RELN: variants seen among roughly 807,000 people sequenced by gnomAD.
The protein encoded by RELN is reelin.
Under a neutral mutation model 427.6 loss-of-function variants are expected in RELN, and 108 were observed. That is an observed-to-expected ratio of 0.25 (90% CI 0.22 to 0.30). RELN has a LOEUF of 0.30. Ranked by LOEUF, RELN falls within the 10% of genes least tolerant of loss-of-function variation. The probability of loss-of-function intolerance (pLI) is 1.00; values close to 1 mark genes in which losing one functional copy is unlikely to be tolerated. For synonymous variants in RELN, 1,524 were observed against 1,513.4 expected (o/e 1.01, Z -0.16); for missense variants, 3,715 against 4,302.8 (o/e 0.86, Z 3.82).
intron 24 of RELN, among the ~76,000 whole-genome samples, chr7:103,601,720 A>C (rs1163250021): frequency 1.3e-5 from 2 of 152,162 alleles, no homozygotes; most frequent in African/African-American, 4.8e-5. Context: ...CAGATTGGAA[A>C]AGAGAAAAAG....
intron 3 of RELN, among the ~76,000 whole-genome samples, chr7:103,780,750 G>A (rs1277126488): frequency 6.6e-6 from 1 of 152,110 alleles, no homozygotes; most frequent in Non-Finnish European, 1.5e-5. Flanking sequence ...TTTTATGGCT[G>A]CGTAGTATTC....
chr7:103,759,024 G>T (rs1791230127), intron 4 of RELN, among the ~76,000 whole-genome samples: 1 of 151,982 alleles, frequency 6.6e-6, no homozygotes, highest in South Asian at 2.1e-4. Context: ...GACAGAAATA[G>T]ATTTCTAAAA....
intron 1 of RELN, among the ~76,000 whole-genome samples, chr7:103,944,189 T>A (rs1192242498): frequency 6.6e-6 from 1 of 152,082 alleles, no homozygotes; most frequent in East Asian, 1.9e-4. Flanking sequence ...TTCTTATTAA[T>A]AAAGAAATTA....
chr7:103,556,117 T>C (rs976469058), intron 38 of RELN, among the ~76,000 whole-genome samples: 1 of 152,204 alleles, frequency 6.6e-6, no homozygotes, highest in Non-Finnish European at 1.5e-5. Context: ...AAATTATACA[T>C]TCACTTTAAC....
chr7:103,823,470 T>C (rs887791240), intron 3 of RELN, among the ~76,000 whole-genome samples: 1 of 152,008 alleles, frequency 6.6e-6, no homozygotes, highest in Non-Finnish European at 1.5e-5. Context: ...CTCCCTATTT[T>C]GGAAGTTATA....
chr7:103,952,554 TTCTCTC>T (rs145303514), intron 1 of RELN, among the ~76,000 whole-genome samples: 10 of 149,966 alleles, frequency 6.7e-5, no homozygotes, highest in Non-Finnish European at 1.5e-4. Context: ...CTCTCACTCT[TTCTCTC>T]TCTCTCTCTC....
At position 103,557,163 on chromosome 7, in the gene RELN, G is replaced by C. The variant is rs1435881833; in HGVS notation, c.5615-4C>G. On this transcript the variant is annotated splice_region_variant and splice_polypyrimidine_tract_variant and intron_variant, in intron 37 of 64. Transcript: ENST00000428762. Reference sequence around the variant, plus strand: ...GAGTGAGATCTCTCTGGGGTACCTAGGAAGAAGATAACACAGGTATAAAAC... The same window carrying C: ...GAGTGAGATCTCTCTGGGGTACCTACGAAGAAGATAACACAGGTATAAAAC... The C allele has an allele frequency of 1.2e-6, 2 of 1,609,582 alleles. No individual in the cohort carries two copies. Among genetic ancestry groups the C allele is most frequent in the Non-Finnish European group, 8.5e-7 (1 of 1,176,018 alleles).
Position 103,989,088 on chromosome 7 carries a change from G to A in RELN, c.226+43C>T, listed in dbSNP as rs1186682741. On this transcript the variant is annotated intron_variant, in intron 1 of 64. Coordinates refer to ENST00000428762, the MANE Select transcript of RELN (RefSeq NM_005045.4). The surrounding 1 kb of genome is among the most constrained non-coding windows in gnomAD (Gnocchi z 4.9). Reference sequence around the variant, plus strand: ...AGGGATGAGAAAGGTGCGCTGGCGGGCGCACCCGGCGGCGGCGAGCGCGGA... The same window carrying A: ...AGGGATGAGAAAGGTGCGCTGGCGGACGCACCCGGCGGCGGCGAGCGCGGA... 6.5e-7 allele frequency: 1 copy of A among 1,549,666 alleles called. No individual in the cohort carries two copies. Among genetic ancestry groups the A allele is most frequent in the Non-Finnish European group, 8.9e-7 (1 of 1,125,618 alleles).
intron 2 of RELN, among the ~76,000 whole-genome samples, chr7:103,893,905 AT>A (rs1381788401): frequency 6.6e-6 from 1 of 152,174 alleles, no homozygotes; most frequent in Non-Finnish European, 1.5e-5. Context: ...GAGCAGACTA[AT>A]ATATAAGTAA....
chr7:103,573,862 A>T lies in RELN; in HGVS notation c.4511+230T>A, dbSNP rs185830756. On this transcript the variant is annotated intron_variant, in intron 30 of 64. Coordinates refer to ENST00000428762, the MANE Select transcript of RELN (RefSeq NM_005045.4). The surrounding 1 kb of genome is among the most constrained non-coding windows in gnomAD (Gnocchi z 4.4). ...AATCAAGCTGGCATACCCTAGACAC[A>T]CAGGCCTTGGTGATGACCACACATG... Among the ~76,000 whole-genome samples the T allele has an allele frequency of 2.4e-3, 369 of 152,332 alleles. 2 individuals are homozygous for T. The highest frequency in any genetic ancestry group is 4.1e-3 in the Admixed American group (62 of 15,304).
At chr7:103,928,737 T>C (rs1253530972) in intron 1 of RELN, among the ~76,000 whole-genome samples, 5 of 152,210 alleles carry the variant, frequency 3.3e-5, no homozygotes, top group Non-Finnish European at 7.3e-5. Flanking sequence ...AGACTTCATG[T>C]ATGCCAGAGA....
chr7:103,797,954 T>G (rs754109234), intron 3 of RELN, among the ~76,000 whole-genome samples: 10 of 152,348 alleles, frequency 6.6e-5, no homozygotes, highest in Admixed American at 1.3e-4. Context: ...AACAAATCAT[T>G]AATTATGGCA....
intron 2 of RELN, among the ~76,000 whole-genome samples, chr7:103,900,352 A>G (rs575475721): frequency 7.2e-5 from 11 of 152,106 alleles, no homozygotes; most frequent in Admixed American, 7.2e-4. Context: ...AATCAATATC[A>G]TGAAAATGGC....
At chr7:103,791,427 G>A (rs1259733264) in intron 3 of RELN, among the ~76,000 whole-genome samples, 1 of 152,106 alleles carries the variant, frequency 6.6e-6, no homozygotes, top group East Asian at 1.9e-4. Context: ...AGAATTGAGA[G>A]TCCAGTAGTA....
At chr7:103,621,703 A>T (rs1218503098) in intron 20 of RELN, among the ~76,000 whole-genome samples, 2 of 152,166 alleles carry the variant, frequency 1.3e-5, no homozygotes, top group Non-Finnish European at 2.9e-5. Context: ...TTTGTGAACC[A>T]CTGTCCATAG....
At chr7:103,490,003 C>A (rs1009009217) in intron 59 of RELN, 104 bp from the exon 60 acceptor site, 9 of 1,362,730 alleles carry the variant, frequency 6.6e-6, no homozygotes, top group Non-Finnish European at 9.2e-6. Flanking sequence ...GAGAAAAGGG[C>A]TTCCCAAATG....
At chr7:103,905,400 C>A (rs544113080) in intron 2 of RELN, among the ~76,000 whole-genome samples, 1 of 152,266 alleles carries the variant, frequency 6.6e-6, no homozygotes, top group East Asian at 1.9e-4. Context: ...TCCCCAGGAC[C>A]TCTTTTCATA....
At chr7:103,655,214 T>C (rs775955723) in intron 12 of RELN, among the ~76,000 whole-genome samples, 4 of 152,062 alleles carry the variant, frequency 2.6e-5, no homozygotes, top group Non-Finnish European at 5.9e-5. Flanking sequence ...AAGCCACCAT[T>C]ATCCTTCATA....
At chr7:103,780,963 G>A (rs1046801241) in intron 3 of RELN, among the ~76,000 whole-genome samples, 6 of 152,078 alleles carry the variant, frequency 3.9e-5, no homozygotes, top group East Asian at 1.9e-4. Flanking sequence ...TGGAACATAC[G>A]TGGATACCCA....
Sources: gnomAD v4.1 joint callset for allele counts (sites outside exome capture counted in the v4.1 genomes callset) on GRCh38, gnomAD v4.1.1 for gene constraint, Gnocchi (gnomAD v3.1) non-coding constraint, MANE v1.5 for transcripts, NCBI Gene and HGNC (gene_info 2026-07-23, HGNC 2026-07-21) for gene names.